Variants in USH1C observed in about 807,000 individuals in gnomAD.
The protein encoded by USH1C is USH1 protein network component harmonin.
USH1C carries 90 observed loss-of-function variants against 119.3 expected under a neutral mutation model. The observed-to-expected ratio is 0.75, with a 90% CI of 0.64 to 0.90. The LOEUF is 0.90. Among genes scored for constraint, USH1C ranks in the 40% least tolerant of loss-of-function variants. The pLI is 0.00. For missense variants in USH1C, 1,165 were observed against 1,167.7 expected, an observed-to-expected ratio of 1.00 and a Z score of 0.03; for synonymous variants, 465 against 443.3, an observed-to-expected ratio of 1.05 and a Z score of -0.62.
chr11:17,541,089 T>A (rs115748394), intron 1 of USH1C, among the ~76,000 whole-genome samples: 2,098 of 152,270 alleles, frequency 0.014, 50 homozygotes, highest in African/African-American at 0.048. Flanking sequence ...TCTACATGTA[T>A]CTCTGTGGCT....
chr11:17,538,371 A>G (rs927821256), intron 1 of USH1C, among the ~76,000 whole-genome samples: 2 of 152,278 alleles, frequency 1.3e-5, no homozygotes, highest in Non-Finnish European at 2.9e-5. Flanking sequence ...GGTACCCTCC[A>G]GTCTCATCCC....
chr11:17,534,298 C>T (rs950473499), intron 1 of USH1C, among the ~76,000 whole-genome samples: 2 of 152,230 alleles, frequency 1.3e-5, no homozygotes, highest in African/African-American at 4.8e-5. Flanking sequence ...CTGTGGGTAT[C>T]CCAAGGGTTC....
At chr11:17,510,290 TG>T in intron 17 of USH1C, 114 bp downstream of exon 17, 2 of 839,396 alleles carry the variant, frequency 2.4e-6, no homozygotes. Context: ...GGACAGTGGA[TG>T]GGCACTGTGA....
At chr11:17,517,321 G>A in intron 14 of USH1C, 1 of 1,420,228 alleles carries the variant, frequency 7.0e-7, no homozygotes, top group Non-Finnish European at 9.7e-7. Flanking sequence ...CCTGAAGCTG[G>A]GTGTCTGCAC....
At chr11:17,526,248 C>A in intron 8 of USH1C, 99 bp downstream of exon 8, 2 of 1,018,332 alleles carry the variant, frequency 2.0e-6, no homozygotes, top group African/African-American at 1.6e-5. Flanking sequence ...CCCTGGTGGG[C>A]AAGGTTTCCT....
At chr11:17,496,451 A>G (rs1849252075) in intron 25 of USH1C, among the ~76,000 whole-genome samples, 1 of 152,190 alleles carries the variant, frequency 6.6e-6, no homozygotes, top group Non-Finnish European at 1.5e-5. Flanking sequence ...TAAAGTTCTG[A>G]GTGGGGAATT....
rs78509055 is a variant in USH1C at position 17,495,685 on chromosome 11, T to C, written c.2547-8A>G. ...GAGGAGGGAAGAGAAGCTCTATATA[T>C]ACAGAGCAGAGCAAGAAACACAAAA... On this transcript the variant is annotated splice_polypyrimidine_tract_variant and splice_region_variant and intron_variant, in intron 25 of 26. Coordinates refer to ENST00000005226, the MANE Select transcript of USH1C (RefSeq NM_153676.4). 1.2e-3 allele frequency: 1,860 copies of C among 1,613,868 alleles called. 23 individuals are homozygous for C. In the African/African-American group the frequency reaches 0.021, roughly 19 times the overall value.
chr11:17,533,521 C>T (rs1851091613), intron 1 of USH1C, 199 bp from the exon 2 acceptor site: 3 of 651,212 alleles, frequency 4.6e-6, no homozygotes, highest in East Asian at 2.7e-5. Context: ...CCCAACGTGG[C>T]CACAGGAGTA....
chr11:17,495,815 G>T, intron 25 of USH1C, 138 bp from the exon 26 acceptor site: 1 of 894,130 alleles, frequency 1.1e-6, no homozygotes, highest in Non-Finnish European at 1.8e-6. Context: ...GGAGCTGCGA[G>T]ACCCTGGTTT....
intron 1 of USH1C, among the ~76,000 whole-genome samples, chr11:17,534,186 C>A (rs1851131461): frequency 6.6e-6 from 1 of 152,244 alleles, no homozygotes; most frequent in Admixed American, 6.5e-5. Flanking sequence ...CTCCAGCCTC[C>A]CGGCCCAGGG....
At chr11:17,505,789 GCTC>G in intron 19 of USH1C, 38 bp downstream of exon 19, 1 of 1,613,326 alleles carries the variant, frequency 6.2e-7, no homozygotes, top group Non-Finnish European at 8.5e-7. Flanking sequence ...GCCCTGGTCT[GCTC>G]CTCTAGAGAC....
rs878547 is a variant in USH1C at position 17,532,963 on chromosome 11, C to A, written c.104+292G>T. Reference sequence around the variant, plus strand: ...TTCTTGTTCTGTCCCAACAATCATGCTCTATAGAATCTATCTGGCTACTAG... The same window carrying A: ...TTCTTGTTCTGTCCCAACAATCATGATCTATAGAATCTATCTGGCTACTAG... On this transcript the variant is annotated intron_variant, in intron 2 of 26. Coordinates refer to ENST00000005226, the MANE Select transcript of USH1C (RefSeq NM_153676.4). Among the ~76,000 whole-genome samples the A allele has an allele frequency of 0.42, 64,566 of 152,048 alleles. 13,785 individuals carry two copies. The highest frequency in any genetic ancestry group is 0.51 in the East Asian group (2,617 of 5,166).
intron 14 of USH1C, among the ~76,000 whole-genome samples, chr11:17,519,121 T>C (rs966363217): frequency 6.6e-6 from 1 of 152,074 alleles, no homozygotes; most frequent in African/African-American, 2.4e-5. Context: ...GGTGGTTGGA[T>C]AGGAGCTGGC....
At chr11:17,519,931 A>T (rs1015350764) in intron 14 of USH1C, among the ~76,000 whole-genome samples, 1 of 152,112 alleles carries the variant, frequency 6.6e-6, no homozygotes, top group Admixed American at 6.5e-5. Flanking sequence ...CCATCACAAC[A>T]TGCCAAATGA....
At chr11:17,543,728 C>T (rs895948068) in intron 1 of USH1C, among the ~76,000 whole-genome samples, 1 of 152,172 alleles carries the variant, frequency 6.6e-6, no homozygotes, top group Non-Finnish European at 1.5e-5. Flanking sequence ...CCACCGCACC[C>T]GGGTCAGCAC....
Position 17,498,233 on chromosome 11 carries a change from C to T in USH1C, c.2419G>A (p.Gly807Ser), listed in dbSNP as rs142652588. Residue 807 changes from glycine to serine, a missense_variant, in exon 24 of 27, where the codon GGC (glycine) becomes AGC (serine). Gly to Ser is a moderately conservative substitution (Grantham distance 56). Coordinates refer to ENST00000005226, the MANE Select transcript of USH1C (RefSeq NM_153676.4). Reference protein sequence around the residue: ...VKGDEIMAINGKIVTDYTLAE... With the variant: ...VKGDEIMAINSKIVTDYTLAE... ...AGGGTGTAGTCTGTCACAATCTTGC[C>T]GTTGATTGCCATGATCTCGTCCCCT... is the stretch of plus-strand genomic sequence containing the variant. The T allele has an allele frequency of 1.5e-4, 247 of 1,614,152 alleles. No homozygotes were observed. Among genetic ancestry groups the T allele is most frequent in the Middle Eastern group, 3.3e-4 (2 of 6,062 alleles).
chr11:17,518,515 G>A (rs1454634368), intron 14 of USH1C, among the ~76,000 whole-genome samples: 1 of 152,200 alleles, frequency 6.6e-6, no homozygotes, highest in Non-Finnish European at 1.5e-5. Context: ...GCTAAGGGAA[G>A]GTCTGTTAGG....
chr11:17,513,108 C>A (rs115116688), intron 15 of USH1C, among the ~76,000 whole-genome samples: 1 of 152,208 alleles, frequency 6.6e-6, no homozygotes, highest in Non-Finnish European at 1.5e-5. Flanking sequence ...CAATGTCAGA[C>A]ATCTTGTAAC....
intron 19 of USH1C, 116 bp from the exon 20 acceptor site, chr11:17,504,813 C>A: frequency 2.8e-6 from 3 of 1,065,694 alleles, no homozygotes; most frequent in East Asian, 2.4e-5. Flanking sequence ...ATGTCCCTCC[C>A]CGAGCAGTCT....
Sources: allele counts gnomAD v4.1 joint callset (sites outside exome capture counted in the v4.1 genomes callset), GRCh38; gene constraint gnomAD v4.1.1; transcripts MANE v1.5; gene names NCBI Gene and HGNC (gene_info 2026-07-23, HGNC 2026-07-21).